Variants in TMEM269 observed in about 807,000 individuals in gnomAD.
The protein encoded by TMEM269 is transmembrane protein 269.
TMEM269 carries 12 observed loss-of-function variants against 15.8 expected under a neutral mutation model. That is an observed-to-expected ratio of 0.76 (90% CI 0.49 to 1.23). TMEM269 has a LOEUF of 1.23. Among genes scored for constraint, TMEM269 ranks in the 50% most tolerant of loss-of-function variants. The pLI is 0.00. For missense variants in TMEM269, 211 were observed against 245.4 expected, an observed-to-expected ratio of 0.86 and a Z score of 0.94; for synonymous variants, 93 against 99.3, an observed-to-expected ratio of 0.94 and a Z score of 0.38.
rs1653810347 is a variant in TMEM269, at chr1:42,797,660, AG to A, written c.485-436del. Among the ~76,000 whole-genome samples, 1 of 152,228 alleles carries A rather than the reference AG, an allele frequency of 6.6e-6. No individual in the cohort carries two copies. The highest frequency in any genetic ancestry group is 2.4e-5 in the African/African-American group (1 of 41,460). On this transcript the variant is annotated intron_variant, in intron 5 of 5. Transcript: ENST00000637012. This position sits in a 1 kb window ranked among gnomAD's most constrained non-coding sequence, Gnocchi z 4.9. ...TCAGCCAAGGGCCAGCCTTGCAAGA[AG>A]GCCTTTCTGAGGATAGCAGTCTCAG...
rs140898724 is a variant in TMEM269 at position 42,791,932 on chromosome 1, G to T, written c.42-873G>T. ...CAAGAGAATCACTTGAACCTGGGAG[G>T]CGGAGGTTGCAGTGAGTGGAGATCG... On this transcript the variant is annotated intron_variant, in intron 2 of 5. Transcript: ENST00000637012. Among the ~76,000 whole-genome samples the T allele has an allele frequency of 9.7e-3, 1,475 of 152,270 alleles. 15 individuals carry two copies. The highest frequency in any genetic ancestry group is 0.058 in the Middle Eastern group (17 of 294).
At chr1:42,789,426 C>G (rs967158200) in intron 1 of TMEM269, 65 of 1,535,396 alleles carry the variant, frequency 4.2e-5, no homozygotes, top group Admixed American at 5.9e-5. Flanking sequence ...AAGGGCCCAC[C>G]TCTCAGATGG....
At chr1:42,794,636 C>G in intron 5 of TMEM269, 23 bp downstream of exon 5, 1 of 1,508,870 alleles carries the variant, frequency 6.6e-7, no homozygotes, top group Non-Finnish European at 9.0e-7. Flanking sequence ...GTCACTATGG[C>G]CAGTTTGTTA....
In TMEM269 at chr1:42,797,634, A is replaced by T. The variant is rs1653809779; in HGVS notation, c.485-464A>T. Among the ~76,000 whole-genome samples the T allele has an allele frequency of 6.6e-6, 1 of 152,358 alleles. No individual in the cohort carries two copies. Among genetic ancestry groups the T allele is most frequent in the Non-Finnish European group, 1.5e-5 (1 of 68,032 alleles). On this transcript the variant is annotated intron_variant, in intron 5 of 5. Transcript: ENST00000637012. The surrounding 1 kb of genome is among the most constrained non-coding windows in gnomAD (Gnocchi z 4.9). ...CTGTTTACTATTCAAGTTTCCAGCC[A>T]TCAGCCAAGGGCCAGCCTTGCAAGA... is the stretch of plus-strand genomic sequence containing the variant.
In TMEM269 at chr1:42,798,883, A is replaced by G. The variant is rs930541782; in HGVS notation, c.*658A>G. The G allele has an allele frequency of 6.6e-6, 1 of 151,892 alleles. No individual in the cohort carries two copies. The highest frequency in any genetic ancestry group is 2.1e-4 in the South Asian group (1 of 4,790). The allele number at this position is 151,892 out of a possible 1,614,324, so 9.4% of individuals were successfully genotyped here. On this transcript the variant is annotated 3_prime_UTR_variant, in exon 6 of 6. Transcript: ENST00000637012. ...CTCAGCCTCCCGCGTAGCTGGGACT[A>G]CAGGCTCCCGCCACCTCGCCCGGCT... is the stretch of plus-strand genomic sequence containing the variant.
At chr1:42,796,058 C>T (rs1403277171) in intron 5 of TMEM269, among the ~76,000 whole-genome samples, 1 of 152,186 alleles carries the variant, frequency 6.6e-6, no homozygotes, top group Admixed American at 6.5e-5. Context: ...TAATACCTCA[C>T]TGTTTTGAGC....
intron 1 of TMEM269, chr1:42,789,137 G>A (rs1021416599): frequency 7.6e-6 from 3 of 392,212 alleles, no homozygotes; most frequent in Non-Finnish European, 1.4e-5. Context: ...TGGCTAGGCT[G>A]GTCTCGAACT....
chr1:42,786,729 G>C (rs1234576014), intron 1 of TMEM269, among the ~76,000 whole-genome samples: 1 of 152,204 alleles, frequency 6.6e-6, no homozygotes, highest in East Asian at 1.9e-4. Flanking sequence ...AGGTACTGTG[G>C]CTAAACTGTG....
chr1:42,793,822 G>C (rs760027602), intron 4 of TMEM269, 78 bp downstream of exon 4: 1 of 1,468,576 alleles, frequency 6.8e-7, no homozygotes, highest in Non-Finnish European at 9.1e-7. Context: ...CAGAAGCCTG[G>C]GGTGCAGTTA....
At chr1:42,793,162 C>G (rs917895475) in intron 3 of TMEM269, among the ~76,000 whole-genome samples, 2 of 152,176 alleles carry the variant, frequency 1.3e-5, no homozygotes, top group African/African-American at 4.8e-5. Flanking sequence ...TGCCCTGCTT[C>G]CCTGTTCTGG....
chr1:42,790,596 C>CT (rs34731755), intron 2 of TMEM269, among the ~76,000 whole-genome samples: 44 of 136,986 alleles, frequency 3.2e-4, no homozygotes, highest in East Asian at 1.3e-3. Context: ...TTTTAAGAAA[C>CT]TTTTTTTTTT....
rs1440655811 is a variant in TMEM269, at chr1:42,797,206, G to T, written c.485-892G>T. ...GAGTCCCCAAGACCACCCCTGAGAAGACTCACAGGACTCAGCTTGTTGTAC... is the reference window on the plus strand; with the variant it reads ...GAGTCCCCAAGACCACCCCTGAGAATACTCACAGGACTCAGCTTGTTGTAC... On this transcript the variant is annotated intron_variant, in intron 5 of 5. Coordinates refer to ENST00000637012, the MANE Select transcript of TMEM269 (RefSeq NM_001354602.2). This position sits in a 1 kb window ranked among gnomAD's most constrained non-coding sequence, Gnocchi z 4.9. 6.6e-6 allele frequency among the ~76,000 whole-genome samples: 1 copy of T among 152,136 alleles called. No individual in the cohort carries two copies. Among genetic ancestry groups the T allele is most frequent in the African/African-American group, 2.4e-5 (1 of 41,424 alleles).
chr1:42,797,930 C>A lies in TMEM269; in HGVS notation c.485-168C>A. On this transcript the variant is annotated intron_variant, in intron 5 of 5. Coordinates refer to ENST00000637012, the MANE Select transcript of TMEM269 (RefSeq NM_001354602.2). This position sits in a 1 kb window ranked among gnomAD's most constrained non-coding sequence, Gnocchi z 4.9. ...TATACTTCTCTAGTTACTTACCTAT[C>A]TCTATTAAACTGAACTTGAAGACAG... 1.3e-6 allele frequency: 1 copy of A among 748,148 alleles called. No homozygotes were observed. Among genetic ancestry groups the A allele is most frequent in the Non-Finnish European group, 2.4e-6 (1 of 419,682 alleles). The allele number at this position is 748,148 out of a possible 1,614,324, so 46.3% of individuals were successfully genotyped here. A position where few individuals can be genotyped will look rare whatever the true frequency, so the allele number is the denominator to read the frequency against.
rs1421583002 is a variant in TMEM269, at chr1:42,800,516, A to G, written c.*2291A>G. The G allele has an allele frequency of 6.6e-6, 1 of 152,196 alleles. No homozygotes were observed. The highest frequency in any genetic ancestry group is 6.5e-5 in the Admixed American group (1 of 15,276). 9.4% of individuals were successfully genotyped at this position (152,196 alleles called of 1,614,324 possible). On this transcript the variant is annotated 3_prime_UTR_variant, in exon 6 of 6. Coordinates refer to ENST00000637012, the MANE Select transcript of TMEM269 (RefSeq NM_001354602.2). ...GTTCTCTTTGTCCTAAGCTTGAGAGAGAGTGTAGATTTCCCTCCTGGTCAA... is the reference window on the plus strand; with the variant it reads ...GTTCTCTTTGTCCTAAGCTTGAGAGGGAGTGTAGATTTCCCTCCTGGTCAA...
chr1:42,795,644 T>C (rs918399311), intron 5 of TMEM269, among the ~76,000 whole-genome samples: 27 of 152,206 alleles, frequency 1.8e-4, no homozygotes, highest in African/African-American at 6.5e-4. Flanking sequence ...AACTGAGCAC[T>C]GGGCTCCAGG....
At chr1:42,786,519 G>A (rs1362476143) in intron 1 of TMEM269, among the ~76,000 whole-genome samples, 2 of 152,206 alleles carry the variant, frequency 1.3e-5, no homozygotes, top group African/African-American at 4.8e-5. Flanking sequence ...GAGCTGAGCA[G>A]AGCTGGCATA....
rs1292522743 is a variant in TMEM269 at position 42,800,649 on chromosome 1, C to G, written c.*2424C>G. On this transcript the variant is annotated 3_prime_UTR_variant, in exon 6 of 6. Transcript: ENST00000637012. ...TTTAGCCCTGTGACCTTGAATAAAA[C>G]GTTTAATCTCTCTAAGCCTATTTTC... The G allele has an allele frequency of 1.3e-5, 2 of 152,114 alleles. No individual in the cohort carries two copies. Among genetic ancestry groups the G allele is most frequent in the Non-Finnish European group, 2.9e-5 (2 of 68,010 alleles). 9.4% of individuals were successfully genotyped at this position (152,114 alleles called of 1,614,324 possible). A position where few individuals can be genotyped will look rare whatever the true frequency, so the allele number is the denominator to read the frequency against.
At position 42,793,758 on chromosome 1, in the gene TMEM269, A is replaced by G. The variant is rs777020761; in HGVS notation, c.283+14A>G. 1.6e-4 allele frequency: 252 copies of G among 1,549,034 alleles called. No individual in the cohort carries two copies. The highest frequency in any genetic ancestry group is 2.1e-4 in the Non-Finnish European group (239 of 1,146,262). On this transcript the variant is annotated intron_variant, in intron 4 of 5. Transcript: ENST00000637012. ...TTTATTCACCTGGTGAGTGGAACCAAGGTTGCCTTAGAACAGAGGGCAGGG... is the reference window on the plus strand; with the variant it reads ...TTTATTCACCTGGTGAGTGGAACCAGGGTTGCCTTAGAACAGAGGGCAGGG...
intron 5 of TMEM269, 79 bp from the exon 6 acceptor site, chr1:42,798,018 TG>T: frequency 1.4e-6 from 2 of 1,474,062 alleles, no homozygotes; most frequent in Non-Finnish European, 9.3e-7. Context: ...AATGGGAGGG[TG>T]GGGACGGGAG....
Sources: gnomAD v4.1 joint callset for allele counts (sites outside exome capture counted in the v4.1 genomes callset) on GRCh38, gnomAD v4.1.1 for gene constraint, Gnocchi (gnomAD v3.1) non-coding constraint, MANE v1.5 for transcripts, NCBI Gene and HGNC (gene_info 2026-07-23, HGNC 2026-07-21) for gene names.